Variants in CHSY3 observed in about 807,000 individuals in gnomAD.
The protein encoded by CHSY3 is chondroitin sulfate synthase 3.
CHSY3 carries 35 observed loss-of-function variants against 67.2 expected under a neutral mutation model. The observed-to-expected ratio is 0.52, with a 90% CI of 0.40 to 0.69. The LOEUF (loss-of-function observed/expected upper bound fraction) is 0.69. CHSY3 is among the 30% of genes least tolerant of loss of function. The pLI, the probability that CHSY3 is intolerant of heterozygous loss-of-function variation, is 0.00. For synonymous variants in CHSY3, 474 were observed against 434.7 expected, an observed-to-expected ratio of 1.09 and a Z score of -1.12; for missense variants, 1,069 against 1,138.5, an observed-to-expected ratio of 0.94 and a Z score of 0.88.
intron 2 of CHSY3, among the ~76,000 whole-genome samples, chr5:130,063,470 A>T (rs944235786): frequency 9.9e-5 from 15 of 152,112 alleles, no homozygotes; most frequent in African/African-American, 3.6e-4. Context: ...TCATAGTTTT[A>T]TATCTCTCTT....
At chr5:130,154,805 A>G (rs934755247) in intron 2 of CHSY3, among the ~76,000 whole-genome samples, 3 of 152,208 alleles carry the variant, frequency 2.0e-5, no homozygotes, top group African/African-American at 4.8e-5. Flanking sequence ...GATAATTACA[A>G]TAGAACTACT....
chr5:130,105,327 C>T (rs1418612543), intron 2 of CHSY3, among the ~76,000 whole-genome samples: 1 of 151,638 alleles, frequency 6.6e-6, no homozygotes, highest in Non-Finnish European at 1.5e-5. Flanking sequence ...CAGAGTGTTT[C>T]CCTGAGATAG....
intron 2 of CHSY3, among the ~76,000 whole-genome samples, chr5:130,116,983 T>A: frequency 6.6e-6 from 1 of 152,238 alleles, no homozygotes; most frequent in East Asian, 1.9e-4. Flanking sequence ...GGGCTTCTTT[T>A]GGGGGAGAGA....
intron 2 of CHSY3, among the ~76,000 whole-genome samples, chr5:130,115,722 CTG>C (rs1767770491): frequency 6.6e-6 from 1 of 152,198 alleles, no homozygotes; most frequent in African/African-American, 2.4e-5. Context: ...GACTTCTTGT[CTG>C]TGAATTTCAG....
intron 2 of CHSY3, among the ~76,000 whole-genome samples, chr5:129,920,702 T>G (rs1445432990): frequency 1.3e-5 from 2 of 152,252 alleles, no homozygotes; most frequent in Non-Finnish European, 2.9e-5. Flanking sequence ...GGTTGTAACT[T>G]TTACAGTTTG....
intron 2 of CHSY3, among the ~76,000 whole-genome samples, chr5:130,066,693 C>T (rs541609903): frequency 4.6e-5 from 7 of 152,062 alleles, no homozygotes; most frequent in Non-Finnish European, 1.0e-4. Context: ...CATTAGGTGA[C>T]TTCATTATGT....
chr5:130,148,202 C>A (rs924746728), intron 2 of CHSY3, among the ~76,000 whole-genome samples: 2 of 152,162 alleles, frequency 1.3e-5, no homozygotes, highest in Admixed American at 6.6e-5. Flanking sequence ...TCTCTAGCTC[C>A]GTTCATGTTC....
chr5:130,104,131 C>G (rs1465592172), intron 2 of CHSY3, among the ~76,000 whole-genome samples: 1 of 151,688 alleles, frequency 6.6e-6, no homozygotes, highest in Non-Finnish European at 1.5e-5. Context: ...GGTAGGCTTA[C>G]CTTTTAGTGT....
At chr5:130,178,253 A>ATTTTTTTTTT (rs10699248) in intron 2 of CHSY3, among the ~76,000 whole-genome samples, 4 of 45,912 alleles carry the variant, frequency 8.7e-5, no homozygotes, top group South Asian at 9.6e-4. Context: ...ATATATATAT[A>ATTTTTTTTTT]TTTTTTTTTT....
intron 2 of CHSY3, among the ~76,000 whole-genome samples, chr5:129,952,921 A>G (rs1476244931): frequency 6.6e-6 from 1 of 152,190 alleles, no homozygotes; most frequent in Non-Finnish European, 1.5e-5. Flanking sequence ...GCAAACTTTT[A>G]TTTGAGACTT....
At position 129,943,351 on chromosome 5, in the gene CHSY3, C is replaced by G. The variant is rs942823297; in HGVS notation, c.1086+34991C>G. On this transcript the variant is annotated intron_variant, in intron 2 of 2. Coordinates refer to ENST00000305031, the MANE Select transcript of CHSY3 (RefSeq NM_175856.5). Reference sequence around the variant, plus strand: ...AAAATCATGCCGAACTCCAAAGAGCCTGTGCCATTGTATGCAATACTCTAA... The same window carrying G: ...AAAATCATGCCGAACTCCAAAGAGCGTGTGCCATTGTATGCAATACTCTAA... Among the ~76,000 whole-genome samples, 7 of 152,288 alleles carry G rather than the reference C, an allele frequency of 4.6e-5. No homozygotes were observed. In the East Asian group the frequency reaches 1.4e-3, roughly 29 times the overall value.
intron 2 of CHSY3, among the ~76,000 whole-genome samples, chr5:130,016,585 T>C (rs1239530167): frequency 1.3e-5 from 2 of 152,118 alleles, no homozygotes; most frequent in Non-Finnish European, 2.9e-5. Flanking sequence ...TTTTTTTGTA[T>C]TTTTAGTAGA....
At position 130,087,700 on chromosome 5, in the gene CHSY3, G is replaced by A. The variant is rs535767606; in HGVS notation, c.1087-96529G>A. ...TCTTCAAGGAGAACTACAAACCACT[G>A]CTCAAGGAAATAAAAGAGGATACAA... On this transcript the variant is annotated intron_variant, in intron 2 of 2. Coordinates refer to ENST00000305031, the MANE Select transcript of CHSY3 (RefSeq NM_175856.5). 2.2e-3 allele frequency among the ~76,000 whole-genome samples: 333 copies of A among 152,046 alleles called. 1 individual carries two copies. The highest frequency in any genetic ancestry group is 7.6e-3 in the African/African-American group (313 of 41,434).
intron 2 of CHSY3, among the ~76,000 whole-genome samples, chr5:130,073,034 A>G (rs571473487): frequency 6.6e-6 from 1 of 152,282 alleles, no homozygotes; most frequent in South Asian, 2.1e-4. Flanking sequence ...ATCAAAGGGA[A>G]CAATTCAGTT....
chr5:130,114,825 C>T (rs7730883), intron 2 of CHSY3, among the ~76,000 whole-genome samples: 57,705 of 151,906 alleles, frequency 0.38, 11,106 homozygotes, highest in Admixed American at 0.45. Flanking sequence ...CTGCATGACA[C>T]GATCTTTTTT....
At chr5:129,949,228 A>G (rs1580568140) in intron 2 of CHSY3, among the ~76,000 whole-genome samples, 1 of 152,178 alleles carries the variant, frequency 6.6e-6, no homozygotes, top group South Asian at 2.1e-4. Context: ...ACAGCACTAG[A>G]CAGGTCATCG....
In CHSY3 at chr5:130,128,253, T is replaced by TGTGTGTGTGTGTGTGC. The variant is rs760472284; in HGVS notation, c.1087-55975_1087-55974insTGTGTGTGTGTGTGCG. ...TGGTGTGTGTGTGTGTGTGTGTGTG[T>TGTGTGTGTGTGTGTGC]GCGCTCACATGCTCAGGCATGCACA... On this transcript the variant is annotated intron_variant, in intron 2 of 2. Transcript: ENST00000305031. Among the ~76,000 whole-genome samples the TGTGTGTGTGTGTGTGC allele has an allele frequency of 4.4e-4, 66 of 151,030 alleles. No homozygotes were observed. In the East Asian group the frequency reaches 5.9e-3, roughly 13 times the overall value.
chr5:129,961,633 T>A (rs980332814), intron 2 of CHSY3, among the ~76,000 whole-genome samples: 5 of 151,348 alleles, frequency 3.3e-5, no homozygotes, highest in Non-Finnish European at 5.9e-5. Context: ...TGATCACACA[T>A]TTTTTTTTCT....
intron 2 of CHSY3, among the ~76,000 whole-genome samples, chr5:130,110,051 A>G (rs1241376253): frequency 6.6e-6 from 1 of 151,922 alleles, no homozygotes; most frequent in Non-Finnish European, 1.5e-5. Context: ...ATGCTGAACA[A>G]TCTGCAACTA....
Sources: allele counts gnomAD v4.1 joint callset (sites outside exome capture counted in the v4.1 genomes callset), GRCh38; gene constraint gnomAD v4.1.1; transcripts MANE v1.5; gene names NCBI Gene and HGNC (gene_info 2026-07-23, HGNC 2026-07-21).